The following PDE4B variants were observed in gnomAD, a reference collection of about 807,000 sequenced individuals.
PDE4B encodes phosphodiesterase 4B, also known as 3',5'-cyclic-AMP phosphodiesterase 4B.
In PDE4B, 20 loss-of-function variants were observed where a neutral mutation model predicts 82.2. The ratio of observed to expected loss-of-function variants is 0.24; its 90% CI spans 0.17 to 0.35. PDE4B has a LOEUF of 0.35. Among genes scored for constraint, PDE4B ranks in the 10% least tolerant of loss-of-function variants. The pLI is 1.00. For missense variants in PDE4B, 655 were observed against 907.2 expected (o/e 0.72, Z 3.57); for synonymous variants, 320 against 318.9 (o/e 1.00, Z -0.04).
chr1:66,110,886 A>C (rs1034881177), intron 3 of PDE4B, among the ~76,000 whole-genome samples: 6 of 151,986 alleles, frequency 3.9e-5, no homozygotes, highest in African/African-American at 1.4e-4. Context: ...CTATCTTATT[A>C]GGAATTGGCT....
At chr1:66,079,355 A>G (rs1276604109) in intron 3 of PDE4B, among the ~76,000 whole-genome samples, 1 of 152,050 alleles carries the variant, frequency 6.6e-6, no homozygotes, top group Non-Finnish European at 1.5e-5. Context: ...CTATTTGGTG[A>G]CTTGAGGGAG....
Position 66,247,645 on chromosome 1 carries a change from C to A in PDE4B, c.467C>A (p.Pro156Gln). ...PKAMSRNSSL[P>Q]SEQHGDDLIV... ...GCGATGTCGAGAAACTCTTCTCTTC[C>A]AAGCGAGCAGTAAGTACAAGCTCTG... Residue 156 changes from proline (P) to glutamine (Q), a missense_variant, in exon 4 of 17, where the codon CCA becomes CAA. By Grantham distance (76) the Pro-to-Gln change is moderately conservative. Around this residue, in one of 3 missense-constraint regions of PDE4B, gnomAD observed 253 missense variants for 275.6 expected, o/e 0.92. Coordinates refer to ENST00000341517, the MANE Select transcript of PDE4B (RefSeq NM_002600.4). 1 of 1,586,118 alleles carries A rather than the reference C, an allele frequency of 6.3e-7. No homozygotes were observed. Among genetic ancestry groups the A allele is most frequent in the Non-Finnish European group, 8.6e-7 (1 of 1,165,110 alleles).
At chr1:66,070,696 G>A (rs1348440690) in intron 3 of PDE4B, among the ~76,000 whole-genome samples, 2 of 152,002 alleles carry the variant, frequency 1.3e-5, no homozygotes, top group Non-Finnish European at 2.9e-5. Context: ...AAGCAGGAAA[G>A]AGATAGTTGC....
At chr1:65,917,489 C>G (rs1399877921) in intron 2 of PDE4B, among the ~76,000 whole-genome samples, 2 of 152,190 alleles carry the variant, frequency 1.3e-5, no homozygotes, top group Non-Finnish European at 2.9e-5. Flanking sequence ...AAGTTGATAT[C>G]AGTGACCATT....
At chr1:66,258,599 C>T (rs1048028092) in intron 6 of PDE4B, among the ~76,000 whole-genome samples, 2 of 152,256 alleles carry the variant, frequency 1.3e-5, no homozygotes, top group African/African-American at 2.4e-5. Flanking sequence ...CCTTTGAGAC[C>T]ATTGATTCTC....
intron 3 of PDE4B, among the ~76,000 whole-genome samples, chr1:66,130,258 C>T (rs1032551368): frequency 6.6e-6 from 1 of 152,210 alleles, no homozygotes; most frequent in African/African-American, 2.4e-5. Context: ...GGGAGACACT[C>T]ATGACTCATG....
chr1:66,288,461 G>T (rs1167611869), intron 7 of PDE4B, among the ~76,000 whole-genome samples: 1 of 152,104 alleles, frequency 6.6e-6, no homozygotes, highest in Non-Finnish European at 1.5e-5. Context: ...ATGAATATTT[G>T]TATAGTTCTT....
chr1:66,078,586 A>G (rs1477434048), intron 3 of PDE4B, among the ~76,000 whole-genome samples: 1 of 152,062 alleles, frequency 6.6e-6, no homozygotes, highest in Admixed American at 6.6e-5. Flanking sequence ...CCACCTATGT[A>G]GCATGTGCTT....
intron 3 of PDE4B, among the ~76,000 whole-genome samples, chr1:66,124,737 A>AG (rs939669699): frequency 6.7e-6 from 1 of 149,600 alleles, no homozygotes; most frequent in African/African-American, 2.6e-5. Context: ...AACATCAATG[A>AG]GGGGAAAAAA....
At chr1:65,864,163 C>G (rs1381437585) in intron 1 of PDE4B, among the ~76,000 whole-genome samples, 1 of 151,726 alleles carries the variant, frequency 6.6e-6, no homozygotes, top group African/African-American at 2.4e-5. Flanking sequence ...GGTATTGATA[C>G]TTGTGTATGC....
At chr1:66,234,090 A>G (rs1245633157) in intron 3 of PDE4B, among the ~76,000 whole-genome samples, 1 of 152,182 alleles carries the variant, frequency 6.6e-6, no homozygotes, top group African/African-American at 2.4e-5. Context: ...AATTTTTTAA[A>G]TATTTCGGGC....
intron 3 of PDE4B, among the ~76,000 whole-genome samples, chr1:66,160,510 G>A (rs1411852770): frequency 6.6e-6 from 1 of 152,058 alleles, no homozygotes; most frequent in Admixed American, 6.5e-5. Context: ...CAGGTCTGTG[G>A]GTTCTAATAA....
At chr1:66,041,700 G>T (rs930904040) in intron 3 of PDE4B, among the ~76,000 whole-genome samples, 1 of 151,642 alleles carries the variant, frequency 6.6e-6, no homozygotes, top group Non-Finnish European at 1.5e-5. Context: ...CTTTGTAACA[G>T]CATTAATCAC....
intron 13 of PDE4B, among the ~76,000 whole-genome samples, chr1:66,366,223 AC>A (rs1663237461): frequency 6.6e-6 from 1 of 152,140 alleles, no homozygotes; most frequent in African/African-American, 2.4e-5. Flanking sequence ...CATAAAAAGC[AC>A]TGGAATGAGT....
chr1:66,175,316 A>G (rs1051160696), intron 3 of PDE4B, among the ~76,000 whole-genome samples: 5 of 152,208 alleles, frequency 3.3e-5, no homozygotes, highest in African/African-American at 9.6e-5. Context: ...GCAAGAGCTC[A>G]TTTTGACAAC....
chr1:66,320,939 A>G (rs906485769), intron 7 of PDE4B, among the ~76,000 whole-genome samples: 1 of 152,190 alleles, frequency 6.6e-6, no homozygotes, highest in Non-Finnish European at 1.5e-5. Flanking sequence ...AAGGCATTTT[A>G]GGCAGATAGA....
chr1:66,266,461 C>T (rs770112350), intron 7 of PDE4B, among the ~76,000 whole-genome samples: 4 of 152,148 alleles, frequency 2.6e-5, no homozygotes, highest in South Asian at 2.1e-4. Flanking sequence ...GCTCCACGTT[C>T]GCCTGAGGGC....
chr1:66,058,138 G>T (rs756895653), intron 3 of PDE4B, among the ~76,000 whole-genome samples: 1 of 152,216 alleles, frequency 6.6e-6, no homozygotes, highest in Non-Finnish European at 1.5e-5. Flanking sequence ...CCCCATGTAA[G>T]TCTGAAATCC....
intron 4 of PDE4B, 98 bp from the exon 5 acceptor site, chr1:66,257,549 T>A (rs763368715): frequency 8.9e-7 from 1 of 1,126,912 alleles, no homozygotes; most frequent in South Asian, 1.2e-5. Flanking sequence ...GTATAACATT[T>A]GTGTTGTTAA....
Sources: gnomAD v4.1 joint callset for allele counts (sites outside exome capture counted in the v4.1 genomes callset) on GRCh38, gnomAD v4.1.1 for gene constraint, gnomAD v4.1.1 regional missense constraint, MANE v1.5 for transcripts, NCBI Gene and HGNC (gene_info 2026-07-23, HGNC 2026-07-21) for gene names.